Variants in LYRM1 observed in about 807,000 individuals in gnomAD.
The protein encoded by LYRM1 is LYR motif-containing protein 1.
A neutral mutation model predicts 14.9 loss-of-function variants in LYRM1; 14 were observed. The ratio of observed to expected loss-of-function variants is 0.94; its 90% CI spans 0.62 to 1.47. The LOEUF is 1.47. Ranked by LOEUF, LYRM1 falls within the 40% of genes most tolerant of loss-of-function variation. LYRM1 has a pLI of 0.00. For missense variants in LYRM1, 153 were observed against 149.9 expected, an observed-to-expected ratio of 1.02 and a Z score of -0.11; for synonymous variants, 43 against 56.2, an observed-to-expected ratio of 0.77 and a Z score of 1.05.
rs557205110 is a variant in LYRM1 at position 20,922,638 on chromosome 16, C to T, written c.253-1362C>T. 7.4e-4 allele frequency among the ~76,000 whole-genome samples: 112 copies of T among 152,076 alleles called. 1 individual carries two copies. Among genetic ancestry groups the T allele is most frequent in the Admixed American group, 5.4e-3 (82 of 15,268 alleles). On this transcript the variant is annotated intron_variant, in intron 3 of 3. Transcript: ENST00000567954. ...CCAAGTAGCTGGGATTACAGGCCCC[C>T]GCCACCATGCCAGCTAATTTTTTGT...
At position 20,924,860 on chromosome 16, in the gene LYRM1, T is replaced by C. The variant is rs915889998; in HGVS notation, c.*744T>C. The C allele has an allele frequency of 1.3e-5, 2 of 152,148 alleles. No individual in the cohort carries two copies. The highest frequency in any genetic ancestry group is 1.5e-5 in the Non-Finnish European group (1 of 68,020). 9.4% of individuals were successfully genotyped at this position (152,148 alleles called of 1,614,324 possible). A position where few individuals can be genotyped will look rare whatever the true frequency, so the allele number is the denominator to read the frequency against. On this transcript the variant is annotated 3_prime_UTR_variant, in exon 4 of 4. Coordinates refer to ENST00000567954, the MANE Select transcript of LYRM1 (RefSeq NM_001128302.3). ...TATGTCTAAACAGAAATGGGACAAA[T>C]AGACTTGAAAATAGAAGGGATTTAT... is the stretch of plus-strand genomic sequence containing the variant.
At chr16:20,912,037 C>T (rs893154963) in intron 1 of LYRM1, among the ~76,000 whole-genome samples, 6 of 151,888 alleles carry the variant, frequency 4.0e-5, no homozygotes, top group African/African-American at 1.5e-4. Context: ...CGGGCTCATA[C>T]GATCCTCCCA....
At chr16:20,913,938 A>G (rs1035048570) in intron 1 of LYRM1, among the ~76,000 whole-genome samples, 1 of 151,884 alleles carries the variant, frequency 6.6e-6, no homozygotes, top group African/African-American at 2.4e-5. Context: ...CCTTCTGAGT[A>G]GCTGGGACGA....
intron 1 of LYRM1, among the ~76,000 whole-genome samples, chr16:20,914,009 C>T (rs975015418): frequency 4.6e-5 from 7 of 151,846 alleles, no homozygotes; most frequent in Admixed American, 1.3e-4. Context: ...GGGGTTTCAC[C>T]GTGTTAGCCA....
chr16:20,911,808 G>A (rs1297973107), intron 1 of LYRM1, among the ~76,000 whole-genome samples: 1 of 152,092 alleles, frequency 6.6e-6, no homozygotes, highest in Non-Finnish European at 1.5e-5. Flanking sequence ...ATATTGCCCA[G>A]GCTGGTCCTG....
intron 1 of LYRM1, chr16:20,911,068 CATG>C (rs1172145817): frequency 6.6e-6 from 1 of 152,174 alleles, no homozygotes; most frequent in East Asian, 1.9e-4. Context: ...AGCCACAAAG[CATG>C]ATGTTCTCTC....
intron 1 of LYRM1, among the ~76,000 whole-genome samples, chr16:20,905,123 A>G (rs1292320821): frequency 6.6e-6 from 1 of 152,182 alleles, no homozygotes; most frequent in Non-Finnish European, 1.5e-5. Flanking sequence ...CAGGCCACAC[A>G]TTTCTCTCCT....
intron 1 of LYRM1, among the ~76,000 whole-genome samples, chr16:20,913,422 C>T (rs543915615): frequency 5.9e-5 from 9 of 151,412 alleles, no homozygotes; most frequent in South Asian, 4.2e-4. Flanking sequence ...AGGTGATTCT[C>T]GTGCCTCAGC....
chr16:20,906,244 C>T (rs552199449), intron 1 of LYRM1, among the ~76,000 whole-genome samples: 2 of 152,216 alleles, frequency 1.3e-5, no homozygotes, highest in South Asian at 2.1e-4. Flanking sequence ...AAAGGGCACC[C>T]GTCCAGAAGT....
At chr16:20,920,340 G>T in intron 3 of LYRM1, 126 bp downstream of exon 3, 1 of 747,670 alleles carries the variant, frequency 1.3e-6, no homozygotes, top group Non-Finnish European at 2.4e-6. Context: ...AGGCATGTTG[G>T]AAATAAGCTA....
chr16:20,910,774 T>TA lies in LYRM1; in HGVS notation c.1-4771dup, dbSNP rs1167144860. Among the ~76,000 whole-genome samples the TA allele has an allele frequency of 8.9e-4, 129 of 144,610 alleles. No individual in the cohort carries two copies. In the Middle Eastern group the frequency reaches 0.014, roughly 16 times the overall value. 94.9% of individuals were successfully genotyped at this position (144,610 alleles called of 152,430 possible). A position where few individuals can be genotyped will look rare whatever the true frequency, so the allele number is the denominator to read the frequency against. ...GGGTGACAGAGCGAGACCCTGCCTC[T>TA]AAAAAAAAAAACAACAACAACAAAA... On this transcript the variant is annotated intron_variant, in intron 1 of 3. Transcript: ENST00000567954.
chr16:20,915,086 C>T lies in LYRM1; in HGVS notation c.1-470C>T, dbSNP rs1305341365. ...GAATTACAAAGCCAGTTGAGAGATA[C>T]GGTGTTTCTATTAGATGGTTTCAGC... On this transcript the variant is annotated intron_variant, in intron 1 of 3. Coordinates refer to ENST00000567954, the MANE Select transcript of LYRM1 (RefSeq NM_001128302.3). 1.1e-4 allele frequency among the ~76,000 whole-genome samples: 16 copies of T among 152,210 alleles called. No homozygotes were observed. The East Asian group carries it at 3.1e-3, about 29-fold the overall frequency.
chr16:20,902,400 G>A (rs1186940832), intron 1 of LYRM1: 1 of 152,204 alleles, frequency 6.6e-6, no homozygotes, highest in Non-Finnish European at 1.5e-5. Flanking sequence ...AAATAAGGAA[G>A]GCAGGGAGGA....
rs143934707 is a variant in LYRM1, at chr16:20,907,912, T to TATA, written c.-1+7025_-1+7027dup. Among the ~76,000 whole-genome samples the TATA allele has an allele frequency of 9.7e-3, 1,470 of 152,292 alleles. 20 individuals are homozygous for TATA. Among genetic ancestry groups the TATA allele is most frequent in the East Asian group, 0.066 (343 of 5,178 alleles). ...ACATCATCTGCCTATGCCACTAGAA[T>TATA]ATAAGCTCAAGGAGGGTAGGGACCA... On this transcript the variant is annotated intron_variant, in intron 1 of 3. Coordinates refer to ENST00000567954, the MANE Select transcript of LYRM1 (RefSeq NM_001128302.3).
In LYRM1 at chr16:20,924,957, T is replaced by A. The variant is rs2083377485; in HGVS notation, c.*841T>A. The A allele has an allele frequency of 6.6e-6, 1 of 152,184 alleles. No homozygotes were observed. The highest frequency in any genetic ancestry group is 1.5e-5 in the Non-Finnish European group (1 of 68,036). The allele number at this position is 152,184 out of a possible 1,614,324, so 9.4% of individuals were successfully genotyped here. A position where few individuals can be genotyped will look rare whatever the true frequency, so the allele number is the denominator to read the frequency against. On this transcript the variant is annotated 3_prime_UTR_variant, in exon 4 of 4. Coordinates refer to ENST00000567954, the MANE Select transcript of LYRM1 (RefSeq NM_001128302.3). ...ATTTGTACATCAGTGTCATTTCTTCTTAACCTCTGAAGAAGATGGGCATCA... is the reference window on the plus strand; with the variant it reads ...ATTTGTACATCAGTGTCATTTCTTCATAACCTCTGAAGAAGATGGGCATCA...
intron 1 of LYRM1, among the ~76,000 whole-genome samples, chr16:20,903,550 G>T (rs534857422): frequency 1.1e-4 from 16 of 152,352 alleles, no homozygotes; most frequent in Non-Finnish European, 1.9e-4. Context: ...GGACAGAGCA[G>T]ATAGAACCTT....
chr16:20,902,106 G>A (rs373517838), intron 1 of LYRM1, among the ~76,000 whole-genome samples: 3 of 152,154 alleles, frequency 2.0e-5, no homozygotes, highest in African/African-American at 2.4e-5. Context: ...GTGAGACTCC[G>A]TCTTAAGAAA....
intron 1 of LYRM1, among the ~76,000 whole-genome samples, chr16:20,913,262 T>G (rs536498537): frequency 7.3e-5 from 11 of 151,704 alleles, no homozygotes; most frequent in African/African-American, 2.7e-4. Flanking sequence ...TAATTTATTC[T>G]TTAAGGTCTG....
At chr16:20,907,522 G>A (rs574834896) in intron 1 of LYRM1, among the ~76,000 whole-genome samples, 4 of 151,798 alleles carry the variant, frequency 2.6e-5, no homozygotes, top group East Asian at 1.9e-4. Context: ...CACCATGCCT[G>A]GCTAATGTTT....
Sources: gnomAD v4.1 joint callset for allele counts (sites outside exome capture counted in the v4.1 genomes callset) on GRCh38, gnomAD v4.1.1 for gene constraint, MANE v1.5 for transcripts, NCBI Gene and HGNC (gene_info 2026-07-23, HGNC 2026-07-21) for gene names.